Variants in YARS2 observed in about 807,000 individuals in gnomAD.
The protein encoded by YARS2 is tyrosyl-tRNA synthetase 2.
In YARS2, 38 loss-of-function variants were observed where a neutral mutation model predicts 45.0. That is an observed-to-expected ratio of 0.84 (90% CI 0.65 to 1.11). The LOEUF is 1.11. Ranked by LOEUF, YARS2 falls within the 50% of genes least tolerant of loss-of-function variation. The probability of loss-of-function intolerance (pLI) is 0.00; values close to 1 mark genes in which losing one functional copy is unlikely to be tolerated. For missense variants in YARS2, 602 were observed against 599.8 expected, an observed-to-expected ratio of 1.00 and a Z score of -0.04; for synonymous variants, 287 against 245.1, an observed-to-expected ratio of 1.17 and a Z score of -1.60.
chr12:32,748,849 C>G (rs1245895972), intron 4 of YARS2, among the ~76,000 whole-genome samples: 2 of 152,168 alleles, frequency 1.3e-5, no homozygotes, highest in Non-Finnish European at 2.9e-5. Context: ...ATGATATGGC[C>G]GATAACCATT....
intron 2 of YARS2, among the ~76,000 whole-genome samples, chr12:32,751,658 G>T (rs1289456833): frequency 6.6e-6 from 1 of 152,158 alleles, no homozygotes; most frequent in African/African-American, 2.4e-5. Context: ...GGGAGGGGAG[G>T]TGGTTTCAGA....
chr12:32,751,103 G>A (rs1955735894), intron 2 of YARS2, among the ~76,000 whole-genome samples: 1 of 143,748 alleles, frequency 7.0e-6, no homozygotes, highest in African/African-American at 2.6e-5. Context: ...GGGTCTTGCT[G>A]TTGCCCAGGC....
Position 32,755,186 on chromosome 12 carries a change from T to C in YARS2, c.689A>G (p.Tyr230Cys), listed in dbSNP as rs746276874. Residue 230 changes from tyrosine to cysteine, a missense_variant, in exon 1 of 5, where the codon TAT becomes TGT. Coordinates refer to ENST00000324868, the MANE Select transcript of YARS2 (RefSeq NM_001040436.3). Reference protein sequence around the residue: ...FYQVLQAYDFYYLFQRYGCRV... With the variant: ...FYQVLQAYDFCYLFQRYGCRV... ...GCATCCATAACGCTGGAAGAGGTAA[T>C]AGAAGTCATAGGCCTGGAGCACCTG... 3 of 1,614,018 alleles carry C rather than the reference T, an allele frequency of 1.9e-6. No individual in the cohort carries two copies. Among genetic ancestry groups the C allele is most frequent in the South Asian group, 2.2e-5 (2 of 91,082 alleles).
intron 2 of YARS2, 90 bp downstream of exon 2, chr12:32,753,828 A>C: frequency 6.4e-7 from 1 of 1,558,906 alleles, no homozygotes; most frequent in Non-Finnish European, 8.8e-7. Flanking sequence ...TAAAAACAAA[A>C]AAACTATAAA....
At chr12:32,750,540 A>G (rs774698279) in intron 3 of YARS2, among the ~76,000 whole-genome samples, 179 bp downstream of exon 3, 23 of 152,198 alleles carry the variant, frequency 1.5e-4, no homozygotes, top group Non-Finnish European at 3.2e-4. Context: ...GGTATAATTC[A>G]TAAACTTAAT....
chr12:32,747,736 A>G (rs1955670368), intron 4 of YARS2, among the ~76,000 whole-genome samples: 3 of 152,122 alleles, frequency 2.0e-5, no homozygotes. Context: ...GGGTTTCGCC[A>G]TGTTAGCCAG....
Position 32,755,312 on chromosome 12 carries a change from G to A in YARS2, c.563C>T (p.Ala188Val), listed in dbSNP as rs1955826987. The A allele has an allele frequency of 2.5e-6, 4 of 1,613,984 alleles. No individual in the cohort carries two copies. The highest frequency in any genetic ancestry group is 2.7e-5 in the African/African-American group (2 of 74,936). The change falls in exon 1 of 5, where the codon GCA becomes GTA. Residue 188 changes from alanine to valine, a missense_variant. Physicochemically the swap from Ala to Val is moderately conservative, Grantham distance 64. Transcript: ENST00000324868. ...QKQHLVDFLA[A>V]VGGHFRMGTL... is the part of the protein sequence containing the mutation. ...CCCCATGCGGAAGTGACCCCCCACT[G>A]CCGCCAGGAAGTCCACCAGGTGCTG...
chr12:32,749,866 T>G, intron 4 of YARS2, 71 bp downstream of exon 4: 1 of 1,586,828 alleles, frequency 6.3e-7, no homozygotes, highest in Non-Finnish European at 8.6e-7. Flanking sequence ...CATGAGCCAC[T>G]TCTCCTGGCC....
intron 4 of YARS2, among the ~76,000 whole-genome samples, chr12:32,749,673 C>T (rs921377954): frequency 4.6e-5 from 7 of 152,104 alleles, no homozygotes; most frequent in East Asian, 3.9e-4. Context: ...CTCTGCCTCC[C>T]GGGTTGATGC....
intron 4 of YARS2, 33 bp from the exon 5 acceptor site, chr12:32,747,396 A>G: frequency 1.9e-6 from 3 of 1,608,392 alleles, no homozygotes; most frequent in Non-Finnish European, 2.5e-6. Context: ...AAGTAGAGAG[A>G]TCCAATCACT....
chr12:32,747,718 G>A (rs557256650), intron 4 of YARS2, among the ~76,000 whole-genome samples: 1 of 152,274 alleles, frequency 6.6e-6, no homozygotes, highest in South Asian at 2.1e-4. Context: ...TGTATTTTTA[G>A]TAGAGATGGG....
Position 32,747,149 on chromosome 12 carries a change from G to A in YARS2, c.*55C>T. On this transcript the variant is annotated 3_prime_UTR_variant, in exon 5 of 5. Coordinates refer to ENST00000324868, the MANE Select transcript of YARS2 (RefSeq NM_001040436.3). Reference sequence around the variant, plus strand: ...TAAGTTCTGGAGCCAACCCTTCAGAGGTCTTGAGAATGAATGATGGGTAAG... The same window carrying A: ...TAAGTTCTGGAGCCAACCCTTCAGAAGTCTTGAGAATGAATGATGGGTAAG... The A allele has an allele frequency of 1.9e-6, 3 of 1,589,440 alleles. No homozygotes were observed. Among genetic ancestry groups the A allele is most frequent in the Non-Finnish European group, 2.6e-6 (3 of 1,161,236 alleles).
Position 32,746,650 on chromosome 12 carries a change from A to G in YARS2, c.*554T>C, listed in dbSNP as rs888384632. The G allele has an allele frequency of 6.5e-6, 1 of 153,758 alleles. No homozygotes were observed. The highest frequency in any genetic ancestry group is 1.4e-5 in the Non-Finnish European group (1 of 69,772). 9.5% of individuals were successfully genotyped at this position (153,758 alleles called of 1,614,324 possible). A position where few individuals can be genotyped will look rare whatever the true frequency, so the allele number is the denominator to read the frequency against. On this transcript the variant is annotated 3_prime_UTR_variant, in exon 5 of 5. Transcript: ENST00000324868. Reference sequence around the variant, plus strand: ...TCTCCTGGGTTCAAGTGATTCTCGCAGCTCAGCCTCTTGAGTAGCTGGGGT... The same window carrying G: ...TCTCCTGGGTTCAAGTGATTCTCGCGGCTCAGCCTCTTGAGTAGCTGGGGT...
chr12:32,752,191 C>T (rs2137655796), intron 2 of YARS2, among the ~76,000 whole-genome samples: 1 of 152,230 alleles, frequency 6.6e-6, no homozygotes, highest in East Asian at 1.9e-4. Context: ...TAATATCATC[C>T]TATATGTATT....
At position 32,753,151 on chromosome 12, in the gene YARS2, T is replaced by TAA. The variant is rs556053974; in HGVS notation, c.947+765_947+766dup. On this transcript the variant is annotated intron_variant, in intron 2 of 4. Transcript: ENST00000324868. ...GAACAAGGTGAAACTCCACCATTAC[T>TAA]AAAAAAAAAATACAAAATTAGCTGG... 2.2e-3 allele frequency among the ~76,000 whole-genome samples: 329 copies of TAA among 148,322 alleles called. 1 individual carries two copies. The highest frequency in any genetic ancestry group is 0.021 in the Middle Eastern group (6 of 292).
chr12:32,747,189 CAGA>C lies in YARS2; in HGVS notation c.*12_*14del. 6.2e-7 allele frequency: 1 copy of C among 1,611,638 alleles called. No homozygotes were observed. The highest frequency in any genetic ancestry group is 8.5e-7 in the Non-Finnish European group (1 of 1,179,660). On this transcript the variant is annotated 3_prime_UTR_variant, in exon 5 of 5. Coordinates refer to ENST00000324868, the MANE Select transcript of YARS2 (RefSeq NM_001040436.3). Reference sequence around the variant, plus strand: ...TGATGGGTAAGTTTATTTGGACAACCAGAAGGACTTTTCATCACAACTGAAGCC... The same window carrying C: ...TGATGGGTAAGTTTATTTGGACAACCAGGACTTTTCATCACAACTGAAGCC...
chr12:32,747,845 G>A (rs573285313), intron 4 of YARS2, among the ~76,000 whole-genome samples: 13 of 152,094 alleles, frequency 8.5e-5, no homozygotes, highest in East Asian at 1.9e-4. Flanking sequence ...CGGAATTTAC[G>A]CCTTGCAATC....
At chr12:32,748,395 G>A (rs770825962) in intron 4 of YARS2, among the ~76,000 whole-genome samples, 2 of 151,952 alleles carry the variant, frequency 1.3e-5, no homozygotes, top group Non-Finnish European at 2.9e-5. Context: ...ATTTTACGCT[G>A]TCTGCTAGTT....
chr12:32,754,875 C>T (rs1398280282), intron 1 of YARS2, among the ~76,000 whole-genome samples: 1 of 152,044 alleles, frequency 6.6e-6, no homozygotes, highest in African/African-American at 2.4e-5. Context: ...TCACCACGCC[C>T]AGCTAATTTT....
Sources: allele counts gnomAD v4.1 joint callset (sites outside exome capture counted in the v4.1 genomes callset), GRCh38; gene constraint gnomAD v4.1.1; transcripts MANE v1.5; gene names NCBI Gene and HGNC (gene_info 2026-07-23, HGNC 2026-07-21).